Variants in ADAM12 observed in about 807,000 individuals in gnomAD.
The protein encoded by ADAM12 is ADAM metallopeptidase domain 12.
In ADAM12, 70 loss-of-function variants were observed where a neutral mutation model predicts 106.4. The observed-to-expected ratio is 0.66, with a 90% CI of 0.54 to 0.80. ADAM12 has a LOEUF of 0.80. Among genes scored for constraint, ADAM12 ranks in the 30% least tolerant of loss-of-function variants. ADAM12 has a pLI of 0.00. For missense variants in ADAM12, 1,010 were observed against 1,171.9 expected (o/e 0.86, Z 2.02); for synonymous variants, 420 against 433.5 (o/e 0.97, Z 0.39).
intron 4 of ADAM12, among the ~76,000 whole-genome samples, chr10:126,143,693 CATGTGTGTAT>C (rs1320644884): frequency 6.6e-6 from 1 of 151,012 alleles, no homozygotes; most frequent in East Asian, 1.9e-4. Context: ...TATGGGTGTG[CATGTGTGTAT>C]ATGTGTGTGT....
intron 2 of ADAM12, among the ~76,000 whole-genome samples, chr10:126,326,755 A>G (rs545154106): frequency 4.6e-5 from 7 of 151,836 alleles, no homozygotes; most frequent in Admixed American, 4.6e-4. Flanking sequence ...ACCTCTCTAC[A>G]CGCTCCCTCT....
intron 1 of ADAM12, among the ~76,000 whole-genome samples, chr10:126,347,211 A>G (rs1421842436): frequency 6.6e-6 from 1 of 152,160 alleles, no homozygotes; most frequent in Non-Finnish European, 1.5e-5. Flanking sequence ...CTTTTAGGGC[A>G]GGCTGGTGGT....
chr10:126,303,299 C>T (rs1376113182), intron 2 of ADAM12, among the ~76,000 whole-genome samples: 2 of 152,212 alleles, frequency 1.3e-5, no homozygotes, highest in African/African-American at 2.4e-5. Context: ...TTTATTGCTG[C>T]TGTCATTGTG....
intron 4 of ADAM12, among the ~76,000 whole-genome samples, chr10:126,137,236 T>C (rs1956421667): frequency 6.6e-6 from 1 of 152,226 alleles, no homozygotes; most frequent in African/African-American, 2.4e-5. Context: ...ACAGTATGTT[T>C]GTGGTGCCAC....
intron 21 of ADAM12, among the ~76,000 whole-genome samples, chr10:126,029,078 C>CA (rs1250950756): frequency 6.6e-6 from 1 of 152,006 alleles, no homozygotes; most frequent in East Asian, 1.9e-4. Context: ...GTCAGAATGG[C>CA]AATTATTAAA....
At chr10:126,356,660 T>C (rs1357105537) in intron 1 of ADAM12, among the ~76,000 whole-genome samples, 1 of 152,166 alleles carries the variant, frequency 6.6e-6, no homozygotes, top group Admixed American at 6.5e-5. Context: ...TGGATATCTA[T>C]AAAGTGATAA....
At chr10:126,175,726 G>A (rs895221748) in intron 3 of ADAM12, among the ~76,000 whole-genome samples, 1 of 152,198 alleles carries the variant, frequency 6.6e-6, no homozygotes, top group Admixed American at 6.5e-5. Context: ...GAGTCTGCTC[G>A]TTCCATCGGA....
chr10:126,346,277 T>G (rs749579190), intron 1 of ADAM12, among the ~76,000 whole-genome samples: 8 of 152,186 alleles, frequency 5.3e-5, no homozygotes, highest in African/African-American at 1.9e-4. Flanking sequence ...ATTTCCTTAT[T>G]TACCCAGTAG....
chr10:126,057,376 T>C (rs1590348291), intron 14 of ADAM12, among the ~76,000 whole-genome samples: 1 of 21,876 alleles, frequency 4.6e-5, no homozygotes, highest in Non-Finnish European at 7.9e-5. Context: ...AAAAAAAAAA[T>C]TAAAAAACAA....
chr10:126,276,543 A>G (rs911751761), intron 3 of ADAM12, among the ~76,000 whole-genome samples: 1 of 152,172 alleles, frequency 6.6e-6, no homozygotes, highest in Non-Finnish European at 1.5e-5. Flanking sequence ...AAAAATTGTT[A>G]TACTGAAGTA....
At chr10:126,235,114 C>T (rs138812336) in intron 3 of ADAM12, among the ~76,000 whole-genome samples, 1 of 152,324 alleles carries the variant, frequency 6.6e-6, no homozygotes, top group Non-Finnish European at 1.5e-5. Context: ...AGACTCCTCA[C>T]AGGTCGATGA....
chr10:126,073,493 A>T (rs190732391), intron 11 of ADAM12, among the ~76,000 whole-genome samples: 209 of 152,162 alleles, frequency 1.4e-3, no homozygotes, highest in African/African-American at 4.8e-3. Flanking sequence ...AGATTATTTC[A>T]TCACCCAGGC....
intron 18 of ADAM12, chr10:126,041,260 A>G (rs1954161145): frequency 1.1e-5 from 10 of 900,170 alleles, no homozygotes; most frequent in Non-Finnish European, 1.3e-5. Context: ...CCCCTGAGCC[A>G]TGGCCAGGCC....
chr10:126,128,521 C>T (rs1337055001), intron 5 of ADAM12, among the ~76,000 whole-genome samples: 2 of 152,222 alleles, frequency 1.3e-5, no homozygotes, highest in Non-Finnish European at 2.9e-5. Flanking sequence ...AGAGTGGGTA[C>T]GCATGTGAGT....
intron 3 of ADAM12, among the ~76,000 whole-genome samples, chr10:126,245,410 G>A: frequency 6.6e-6 from 1 of 152,180 alleles, no homozygotes; most frequent in Non-Finnish European, 1.5e-5. Context: ...GCACAATTGG[G>A]AACTGCAGCC....
chr10:126,278,775 C>T (rs35232725), intron 3 of ADAM12, 140 bp downstream of exon 3: 4 of 583,636 alleles, frequency 6.9e-6, no homozygotes, highest in South Asian at 3.0e-5. Context: ...AAAGTTAATT[C>T]TCACCTCAAA....
chr10:126,311,069 C>T (rs548505323), intron 2 of ADAM12, among the ~76,000 whole-genome samples: 17 of 148,290 alleles, frequency 1.1e-4, no homozygotes, highest in African/African-American at 3.0e-4. Context: ...GGTTATGGGT[C>T]TTCCTCATTA....
intron 3 of ADAM12, among the ~76,000 whole-genome samples, chr10:126,255,372 T>A (rs1446603669): frequency 6.6e-6 from 1 of 152,098 alleles, no homozygotes; most frequent in Non-Finnish European, 1.5e-5. Flanking sequence ...TCTCAGATGG[T>A]GTCCCGAGTC....
intron 3 of ADAM12, among the ~76,000 whole-genome samples, chr10:126,193,265 A>C (rs1957537343): frequency 1.5e-5 from 1 of 66,362 alleles, no homozygotes; most frequent in African/African-American, 1.7e-4. Flanking sequence ...ACTCCATCTC[A>C]AAAAAAAAAA....
Sources: allele counts gnomAD v4.1 joint callset (sites outside exome capture counted in the v4.1 genomes callset), GRCh38; gene constraint gnomAD v4.1.1; transcripts MANE v1.5; gene names NCBI Gene and HGNC (gene_info 2026-07-23, HGNC 2026-07-21).